Variants in MATN2 observed in about 807,000 individuals in gnomAD.
MATN2 encodes matrilin 2.
Under a neutral mutation model 103.2 loss-of-function variants are expected in MATN2, and 69 were observed. That is an observed-to-expected ratio of 0.67 (90% confidence interval 0.55 to 0.82). The LOEUF (loss-of-function observed/expected upper bound fraction) is 0.82, where lower values mean the gene tolerates loss of function less well. Among genes scored for constraint, MATN2 ranks in the 40% least tolerant of loss-of-function variants. The pLI is 0.00. For synonymous variants in MATN2, 429 were observed against 450.2 expected (o/e 0.95, Z 0.60); for missense variants, 1,023 against 1,211.5 (o/e 0.84, Z 2.31).
At chr8:97,916,700 G>C (rs1036911979) in intron 2 of MATN2, among the ~76,000 whole-genome samples, 1 of 152,130 alleles carries the variant, frequency 6.6e-6, no homozygotes, top group Non-Finnish European at 1.5e-5. Context: ...GAGAGAGGAC[G>C]TGAGGGGTAT....
intron 4 of MATN2, among the ~76,000 whole-genome samples, chr8:97,950,473 C>G (rs1192926937): frequency 3.3e-5 from 5 of 152,226 alleles, no homozygotes; most frequent in Non-Finnish European, 2.9e-5. Context: ...CTTCACTCAT[C>G]CGCTCATTCA....
At chr8:97,872,428 G>C (rs1311664551) in intron 1 of MATN2, among the ~76,000 whole-genome samples, 5 of 152,156 alleles carry the variant, frequency 3.3e-5, no homozygotes, top group Admixed American at 3.3e-4. Context: ...TGTTGTATTA[G>C]TTGCCTATTG....
intron 1 of MATN2, among the ~76,000 whole-genome samples, chr8:97,881,314 C>T (rs1433251722): frequency 1.3e-5 from 2 of 152,220 alleles, no homozygotes; most frequent in African/African-American, 4.8e-5. Context: ...TAGGTGAGGT[C>T]ATGCAGGTGT....
Position 97,931,573 on chromosome 8 carries a change from C to A in MATN2, c.712+51C>A. On this transcript the variant is annotated intron_variant, in intron 3 of 18. Coordinates refer to ENST00000254898, the MANE Select transcript of MATN2 (RefSeq NM_002380.5). This position sits in a 1 kb window ranked among gnomAD's most constrained non-coding sequence, Gnocchi z 4.1. The stretch of plus-strand genomic sequence containing the variant: ...TCTAGAGGAACCACTAGAATTCATT[C>A]ATTCATCTTCAAGTGTTCATTCTGT... The A allele has an allele frequency of 1.4e-6, 2 of 1,478,448 alleles. No individual in the cohort carries two copies. The highest frequency in any genetic ancestry group is 1.8e-6 in the Non-Finnish European group (2 of 1,098,696). 91.6% of individuals were successfully genotyped at this position (1,478,448 alleles called of 1,614,324 possible). A position where few individuals can be genotyped will look rare whatever the true frequency, so the allele number is the denominator to read the frequency against.
Position 97,891,913 on chromosome 8 carries a change from G to T in MATN2, c.142+3671G>T, listed in dbSNP as rs190562657. Among the ~76,000 whole-genome samples, 566 of 151,744 alleles carry T rather than the reference G, an allele frequency of 3.7e-3. 4 individuals carry two copies. The highest frequency in any genetic ancestry group is 0.013 in the African/African-American group (527 of 41,384). On this transcript the variant is annotated intron_variant, in intron 2 of 18. Transcript: ENST00000254898. ...GCCCAGGAGTTTGAGACCAGTCTGG[G>T]CAACATAGGGATACCTTGTCTCTAC...
intron 2 of MATN2, among the ~76,000 whole-genome samples, chr8:97,913,851 C>A (rs1809532696): frequency 6.6e-6 from 1 of 152,178 alleles, no homozygotes; most frequent in Non-Finnish European, 1.5e-5. Context: ...CTGACCTCAG[C>A]CGATCCGCCC....
intron 6 of MATN2, among the ~76,000 whole-genome samples, chr8:97,985,923 A>G (rs575482885): frequency 6.6e-6 from 1 of 152,290 alleles, no homozygotes; most frequent in South Asian, 2.1e-4. Context: ...TTTTTAATGT[A>G]TGTGTATGGA....
At chr8:97,997,708 G>A (rs1207795067) in intron 7 of MATN2, among the ~76,000 whole-genome samples, 1 of 152,034 alleles carries the variant, frequency 6.6e-6, no homozygotes, top group Non-Finnish European at 1.5e-5. Context: ...ATGAATAAGT[G>A]AGTGAGTGAA....
chr8:97,933,639 A>G (rs1282781065), intron 3 of MATN2, among the ~76,000 whole-genome samples: 1 of 151,612 alleles, frequency 6.6e-6, no homozygotes, highest in Non-Finnish European at 1.5e-5. Flanking sequence ...GGCAGTTTGG[A>G]CTTTTCCTCC....
At chr8:97,907,742 C>A (rs1819227863) in intron 2 of MATN2, among the ~76,000 whole-genome samples, 2 of 152,140 alleles carry the variant, frequency 1.3e-5, no homozygotes, top group Non-Finnish European at 2.9e-5. Flanking sequence ...ATGATACCTC[C>A]CTCATAGAGT....
At chr8:97,942,720 G>A (rs969413476) in intron 4 of MATN2, among the ~76,000 whole-genome samples, 2 of 152,226 alleles carry the variant, frequency 1.3e-5, no homozygotes, top group Admixed American at 1.3e-4. Context: ...GTTGCAGTGT[G>A]TCATTGTTGC....
chr8:97,914,645 T>G (rs1809561031), intron 2 of MATN2, among the ~76,000 whole-genome samples: 1 of 152,020 alleles, frequency 6.6e-6, no homozygotes. Context: ...TGAGCCACTG[T>G]GCCCTGCCTG....
chr8:97,898,074 C>T (rs1440359760), intron 2 of MATN2, among the ~76,000 whole-genome samples: 1 of 152,074 alleles, frequency 6.6e-6, no homozygotes, highest in Non-Finnish European at 1.5e-5. Flanking sequence ...TTCCTCATTC[C>T]CTTCTTCAGT....
chr8:98,017,832 C>T (rs369068831), intron 11 of MATN2, among the ~76,000 whole-genome samples, 162 bp from the exon 12 acceptor site: 79 of 152,314 alleles, frequency 5.2e-4, no homozygotes, highest in Middle Eastern at 3.4e-3. Context: ...GAATTAGAGC[C>T]GCTAAACTTT....
In MATN2 at chr8:97,884,304, C is replaced by G. The variant is rs541845833; in HGVS notation, c.-26-3771C>G. Reference sequence around the variant, plus strand: ...TACAGGCTTGCACCACCATGCCCAGCTAATTTTGTATTTTTAGTAGAGACG... The same window carrying G: ...TACAGGCTTGCACCACCATGCCCAGGTAATTTTGTATTTTTAGTAGAGACG... On this transcript the variant is annotated intron_variant, in intron 1 of 18. Transcript: ENST00000254898. Among the ~76,000 whole-genome samples the G allele has an allele frequency of 4.6e-5, 7 of 151,830 alleles. No individual in the cohort carries two copies. The East Asian group carries it at 1.4e-3, about 30-fold the overall frequency.
chr8:98,027,645 C>T lies in MATN2; in HGVS notation c.2172C>T (p.His724=), dbSNP rs372927139. 1.5e-5 allele frequency: 24 copies of T among 1,613,736 alleles called. No individual in the cohort carries two copies. The South Asian group carries it at 1.8e-4, about 12-fold the overall frequency. ...AAGACATGAAAAAAGCCGTGGCCCA[C>T]ATGAAATACATGGGAAAGGGCTCTA... ...SAKDMKKAVA[H]MKYMGKGSMT... is the part of the protein sequence containing the mutation. Residue 724 remains histidine, a synonymous_variant, in exon 14 of 19, where the codon CAC becomes CAT. Transcript: ENST00000254898.
intron 14 of MATN2, among the ~76,000 whole-genome samples, chr8:98,028,661 A>T (rs1158749114): frequency 6.6e-6 from 1 of 151,856 alleles, no homozygotes; most frequent in Non-Finnish European, 1.5e-5. Flanking sequence ...ATGTCAGCTC[A>T]CTGCAAGCTC....
chr8:97,977,876 C>G (rs987395405), intron 5 of MATN2, among the ~76,000 whole-genome samples: 1 of 152,088 alleles, frequency 6.6e-6, no homozygotes, highest in Admixed American at 6.6e-5. Flanking sequence ...CCTCACGGCT[C>G]GTATTTTAGT....
intron 2 of MATN2, among the ~76,000 whole-genome samples, chr8:97,896,597 T>TCAGA (rs1365532043): frequency 1.4e-5 from 2 of 144,974 alleles, no homozygotes; most frequent in Non-Finnish European, 3.0e-5. Flanking sequence ...GGCAGTGGGA[T>TCAGA]CAGATAATGC....
Sources: gnomAD v4.1 joint callset for allele counts (sites outside exome capture counted in the v4.1 genomes callset) on GRCh38, gnomAD v4.1.1 for gene constraint, Gnocchi (gnomAD v3.1) non-coding constraint, MANE v1.5 for transcripts, NCBI Gene and HGNC (gene_info 2026-07-23, HGNC 2026-07-21) for gene names.